LYST: variants seen among roughly 807,000 people sequenced by gnomAD.
The protein encoded by LYST is lysosomal trafficking regulator, also known as lysosomal-trafficking regulator.
LYST carries 192 observed loss-of-function variants against 413.6 expected under a neutral mutation model. The ratio of observed to expected loss-of-function variants is 0.46; its 90% CI spans 0.41 to 0.52. The LOEUF (loss-of-function observed/expected upper bound fraction) is 0.52. Among genes scored for constraint, LYST ranks in the 20% least tolerant of loss-of-function variants. The pLI is 0.00. For synonymous variants in LYST, 1,525 were observed against 1,567.3 expected (o/e 0.97, Z 0.64); for missense variants, 3,815 against 4,499.9 (o/e 0.85, Z 4.35).
At chr1:235,673,969 C>T (rs2103029016) in intron 50 of LYST, among the ~76,000 whole-genome samples, 1 of 152,274 alleles carries the variant, frequency 6.6e-6, no homozygotes, top group Admixed American at 6.5e-5. Flanking sequence ...CAAATCGTCC[C>T]CTTTCCACTT....
At chr1:235,717,442 G>C (rs935582473) in intron 40 of LYST, among the ~76,000 whole-genome samples, 3 of 152,304 alleles carry the variant, frequency 2.0e-5, no homozygotes, top group East Asian at 3.9e-4. Flanking sequence ...CTTGAAGCAG[G>C]AGAATGAATT....
At chr1:235,722,805 C>G (rs1042022887) in intron 39 of LYST, among the ~76,000 whole-genome samples, 2 of 152,172 alleles carry the variant, frequency 1.3e-5, no homozygotes, top group African/African-American at 4.8e-5. Context: ...TAAACTACTT[C>G]GTTTCAGTCA....
intron 3 of LYST, among the ~76,000 whole-genome samples, chr1:235,823,910 C>G (rs768123871): frequency 6.6e-6 from 1 of 152,198 alleles, no homozygotes; most frequent in Non-Finnish European, 1.5e-5. Context: ...TAAAGACAGT[C>G]GCTGTCCTTT....
chr1:235,810,129 C>A lies in LYST; in HGVS notation c.689G>T (p.Arg230Ile), dbSNP rs149470152. ...TAAAATGTCAGTGTTTGACCCCTGT[C>A]TTGGAATAATCTCTCTGGAATTTTC... ...ALENSREIIP[R>I]QGSNTDILSE... Residue 230 changes from arginine to isoleucine, a missense_variant, in exon 5 of 53, where the codon AGA becomes ATA. This residue lies in a region of LYST where 1,648 missense variants were observed against 1,810.3 expected (regional missense o/e 0.91). Transcript: ENST00000389793. The A allele has an allele frequency of 6.2e-7, 1 of 1,614,034 alleles. No individual in the cohort carries two copies. Among genetic ancestry groups the A allele is most frequent in the African/African-American group, 1.3e-5 (1 of 74,936 alleles).
chr1:235,801,296 T>C (rs1395909648), intron 8 of LYST, among the ~76,000 whole-genome samples, 199 bp from the exon 9 acceptor site: 1 of 152,076 alleles, frequency 6.6e-6, no homozygotes, highest in Non-Finnish European at 1.5e-5. Context: ...TTAAAAGCAA[T>C]TTTCATCTTC....
Position 235,678,736 on chromosome 1 carries a change from C to G in LYST, c.10801-1117G>C, listed in dbSNP as rs145069705. On this transcript the variant is annotated intron_variant, in intron 48 of 52. Transcript: ENST00000389793. ...CTGTTCTACATCCTATTTCTTCTGT[C>G]TTGTCAGAAGTTACTACTAGCCTAA... is the stretch of plus-strand genomic sequence containing the variant. Among the ~76,000 whole-genome samples the G allele has an allele frequency of 3.9e-4, 60 of 152,226 alleles. No individual in the cohort carries two copies. The East Asian group carries it at 0.011, about 28-fold the overall frequency.
chr1:235,697,730 A>G (rs1231334656), intron 45 of LYST, among the ~76,000 whole-genome samples: 1 of 152,228 alleles, frequency 6.6e-6, no homozygotes, highest in Non-Finnish European at 1.5e-5. Context: ...CCTCTGATTC[A>G]TCTATGTGCC....
chr1:235,731,050 C>T lies in LYST; in HGVS notation c.8929G>A (p.Asp2977Asn), dbSNP rs371940173. ...LTIPNKYLLR[D>N]RQKSEDVVKP... ...CTATTACCTTCTGATTTCTGTCTAT[C>T]CCTAAGGAGATACTTATTTGGAATA... Residue 2977 changes from aspartate to asparagine, a missense_variant, in exon 35 of 53, where the codon GAT (aspartate) becomes AAT (asparagine). Asp to Asn is a conservative substitution (Grantham distance 23, BLOSUM62 1). Coordinates refer to ENST00000389793, the MANE Select transcript of LYST (RefSeq NM_000081.4). 3.1e-6 allele frequency: 5 copies of T among 1,613,424 alleles called. No homozygotes were observed. The African/African-American group carries it at 6.7e-5, about 22-fold the overall frequency.
In LYST at chr1:235,724,081, C is replaced by A; in HGVS notation, c.9262G>T (p.Glu3088Ter). The change falls in exon 39 of 53, where the codon GAA (glutamate) becomes TAA (stop). Residue 3088 changes from glutamate (E) to a stop codon, truncating the protein, a stop_gained. Coordinates refer to ENST00000389793, the MANE Select transcript of LYST (RefSeq NM_000081.4). LOFTEE classifies it high-confidence loss of function. ...GTTCTGCCATTTGTTAGAAAGATTTCTACAGCATTATCTCTCAATTGCCAC... is the reference window on the plus strand; with the variant it reads ...GTTCTGCCATTTGTTAGAAAGATTTATACAGCATTATCTCTCAATTGCCAC... ...RWWQLRDNAV[E>*]IFLTNGRTLL... 6.2e-7 allele frequency: 1 copy of A among 1,613,732 alleles called. No individual in the cohort carries two copies. The highest frequency in any genetic ancestry group is 8.5e-7 in the Non-Finnish European group (1 of 1,179,646).
chr1:235,789,267 A>T (rs950386377), intron 12 of LYST, among the ~76,000 whole-genome samples: 4 of 136,660 alleles, frequency 2.9e-5, no homozygotes, highest in Non-Finnish European at 3.0e-5. Context: ...GGCATGATTT[A>T]AAAAAAAATA....
chr1:235,831,540 A>C (rs1275455636), intron 2 of LYST, among the ~76,000 whole-genome samples: 1 of 152,232 alleles, frequency 6.6e-6, no homozygotes, highest in African/African-American at 2.4e-5. Context: ...CGGGATACAA[A>C]GAGAAGTAGA....
intron 1 of LYST, among the ~76,000 whole-genome samples, chr1:235,877,816 T>C (rs1681208583): frequency 7.0e-6 from 1 of 143,426 alleles, no homozygotes; most frequent in Admixed American, 7.2e-5. Flanking sequence ...GGAAATAAAA[T>C]GTATGATCTA....
At chr1:235,851,188 G>GTATATA (rs60230013) in intron 1 of LYST, among the ~76,000 whole-genome samples, 1 of 150,372 alleles carries the variant, frequency 6.7e-6, no homozygotes, top group Non-Finnish European at 1.5e-5. Context: ...ATATGTGTGT[G>GTATATA]TATATATATA....
At chr1:235,798,835 G>C (rs994429447) in intron 10 of LYST, among the ~76,000 whole-genome samples, 16 of 152,078 alleles carry the variant, frequency 1.1e-4, no homozygotes, top group Non-Finnish European at 2.2e-4. Flanking sequence ...GTGCAGGGGA[G>C]GGTTAAGGTG....
rs1037862310 is a variant in LYST, at chr1:235,806,480, G to A, written c.2656C>T (p.Arg886Trp). ...AGLKEAYPKRRKTVNQDVHIN... is the reference protein window; with the variant it reads ...AGLKEAYPKRWKTVNQDVHIN... ...TGAACATCTTGGTTAACAGTCTTCC[G>A]TCTCTTTGGATAAGCTTCTTTGAGG... Residue 886 changes from arginine (R) to tryptophan (W), a missense_variant, in exon 6 of 53, where the codon CGG (arginine) becomes TGG (tryptophan). Physicochemically the swap from Arg to Trp is moderately radical, Grantham distance 101. Around this residue, in one of 4 missense-constraint regions of LYST, gnomAD observed 1,648 missense variants for 1,810.3 expected, o/e 0.91. Transcript: ENST00000389793. 2.7e-5 allele frequency: 44 copies of A among 1,613,918 alleles called. No individual in the cohort carries two copies. Among genetic ancestry groups the A allele is most frequent in the African/African-American group, 1.1e-4 (8 of 74,878 alleles).
rs573522212 is a variant in LYST at position 235,674,641 on chromosome 1, C to G, written c.11038+2450G>C. Among the ~76,000 whole-genome samples the G allele has an allele frequency of 6.6e-6, 1 of 152,256 alleles. No homozygotes were observed. Among genetic ancestry groups the G allele is most frequent in the Non-Finnish European group, 1.5e-5 (1 of 68,018 alleles). On this transcript the variant is annotated intron_variant, in intron 50 of 52. Transcript: ENST00000389793. The surrounding 1 kb of genome is among the most constrained non-coding windows in gnomAD (Gnocchi z 4.1). ...ACTAGGGATGCCATTAAAGGAATAG[C>G]TGAACAATTAGGTCCTACCAGTCAG...
intron 1 of LYST, among the ~76,000 whole-genome samples, chr1:235,836,194 T>C (rs1676553896): frequency 6.6e-6 from 1 of 152,262 alleles, no homozygotes; most frequent in South Asian, 2.1e-4. Context: ...TCTCATTTTA[T>C]GTCATCAGAA....
At chr1:235,882,480 G>A (rs2103250616) in intron 1 of LYST, among the ~76,000 whole-genome samples, 1 of 152,358 alleles carries the variant, frequency 6.6e-6, no homozygotes, top group Non-Finnish European at 1.5e-5. Context: ...GAAAGAGAAT[G>A]TGGGCAGTTG....
chr1:235,757,361 T>C lies in LYST; in HGVS notation c.6979A>G (p.Met2327Val), dbSNP rs1667138456. The change falls in exon 24 of 53, where the codon ATG becomes GTG. Residue 2327 changes from methionine to valine, a missense_variant. By Grantham distance (21) the Met-to-Val change is conservative. Transcript: ENST00000389793. The part of the protein sequence containing the change: ...ILPDVLLEDV[M>V]DKLIQADTLL... ...GTATCTGCTTGAATAAGCTTGTCCATCACATCTTCAAGCAAAACATCAGGC... is the reference window on the plus strand; with the variant it reads ...GTATCTGCTTGAATAAGCTTGTCCACCACATCTTCAAGCAAAACATCAGGC... 1 of 1,613,412 alleles carries C rather than the reference T, an allele frequency of 6.2e-7. No individual in the cohort carries two copies. The highest frequency in any genetic ancestry group is 1.7e-5 in the Admixed American group (1 of 59,960).
Sources: gnomAD v4.1 joint callset for allele counts (sites outside exome capture counted in the v4.1 genomes callset) on GRCh38, gnomAD v4.1.1 for gene constraint, gnomAD v4.1.1 regional missense constraint, Gnocchi (gnomAD v3.1) non-coding constraint, MANE v1.5 for transcripts, NCBI Gene and HGNC (gene_info 2026-07-23, HGNC 2026-07-21) for gene names.